Variants in RABGAP1L observed in about 807,000 individuals in gnomAD.
RABGAP1L encodes the protein RAB GTPase activating protein 1 like, also known as rab GTPase-activating protein 1-like.
In RABGAP1L, 63 loss-of-function variants were observed where a neutral mutation model predicts 137.7. That is an observed-to-expected ratio of 0.46 (90% CI 0.37 to 0.56). RABGAP1L has a LOEUF of 0.56. RABGAP1L is among the 20% of genes least tolerant of loss of function. The pLI, the probability that RABGAP1L is intolerant of heterozygous loss-of-function variation, is 0.00. For synonymous variants in RABGAP1L, 431 were observed against 433.7 expected (o/e 0.99, Z 0.08); for missense variants, 1,095 against 1,244.0 (o/e 0.88, Z 1.80).
At position 174,857,384 on chromosome 1, in the gene RABGAP1L, T is replaced by G. The variant is rs541202487; in HGVS notation, c.2340+45424T>G. 1.1e-4 allele frequency among the ~76,000 whole-genome samples: 16 copies of G among 152,336 alleles called. No homozygotes were observed. In the East Asian group the frequency reaches 1.3e-3, roughly 13 times the overall value. ...CTCTCCATTTCCTATTTTCCTAATT[T>G]TTAAAAATGAAATTTATTTTTGCTT... On this transcript the variant is annotated intron_variant, in intron 19 of 25. Coordinates refer to ENST00000681986, the MANE Select transcript of RABGAP1L (RefSeq NM_001366446.1).
At chr1:174,542,246 T>C (rs1241833374) in intron 13 of RABGAP1L, among the ~76,000 whole-genome samples, 1 of 152,252 alleles carries the variant, frequency 6.6e-6, no homozygotes, top group Non-Finnish European at 1.5e-5. Flanking sequence ...GTTGGTAAGC[T>C]ATTGATTATT....
chr1:174,374,730 A>G (rs1016488679), intron 12 of RABGAP1L, among the ~76,000 whole-genome samples: 5 of 152,190 alleles, frequency 3.3e-5, no homozygotes, highest in African/African-American at 1.2e-4. Flanking sequence ...AGCTTGCACA[A>G]GTTATTTAAC....
rs369818515 is a variant in RABGAP1L at position 174,943,563 on chromosome 1, C to T, written c.2341-13894C>T. Among the ~76,000 whole-genome samples the T allele has an allele frequency of 3.1e-3, 479 of 152,252 alleles. 3 individuals carry two copies. The highest frequency in any genetic ancestry group is 0.01 in the Middle Eastern group (3 of 294). On this transcript the variant is annotated intron_variant, in intron 19 of 25. Coordinates refer to ENST00000681986, the MANE Select transcript of RABGAP1L (RefSeq NM_001366446.1). ...TTAAGACTTTATCCCAGGCTGGGTG[C>T]GGTGGCTCATGCCTGTAATCCCAGC...
Position 174,462,515 on chromosome 1 carries a change from C to A in RABGAP1L, c.1710+68370C>A, listed in dbSNP as rs146573748. Reference sequence around the variant, plus strand: ...ACAGTCATTAAACTTTTGACTTCTGCAAATGTGATATACATTTTTTTTCAA... The same window carrying A: ...ACAGTCATTAAACTTTTGACTTCTGAAAATGTGATATACATTTTTTTTCAA... On this transcript the variant is annotated intron_variant, in intron 13 of 25. Coordinates refer to ENST00000681986, the MANE Select transcript of RABGAP1L (RefSeq NM_001366446.1). 3.0e-3 allele frequency among the ~76,000 whole-genome samples: 459 copies of A among 152,134 alleles called. No homozygotes were observed. The Middle Eastern group carries it at 0.031, about 10-fold the overall frequency.
intron 13 of RABGAP1L, among the ~76,000 whole-genome samples, chr1:174,510,379 T>C (rs1662222866): frequency 6.6e-6 from 1 of 152,190 alleles, no homozygotes. Context: ...ACTCAGTAAA[T>C]ATTTGCTGAA....
chr1:174,559,012 A>G (rs1410587587), intron 13 of RABGAP1L, among the ~76,000 whole-genome samples: 1 of 152,252 alleles, frequency 6.6e-6, no homozygotes, highest in Non-Finnish European at 1.5e-5. Flanking sequence ...GTAAGTTAAA[A>G]TGAATGATTC....
Position 174,218,987 on chromosome 1 carries a change from C to T in RABGAP1L, c.-33-138C>T. ...GGCTCAGTCCAAGAAGGTAGCCTCC[C>T]TAACTTTGAGATAATTATCTAGCCA... On this transcript the variant is annotated intron_variant, in intron 1 of 25. Transcript: ENST00000681986. 4.6e-6 allele frequency: 3 copies of T among 656,748 alleles called. No homozygotes were observed. The South Asian group carries it at 6.7e-5, about 15-fold the overall frequency. The allele number at this position is 656,748 out of a possible 1,614,324, so 40.7% of individuals were successfully genotyped here.
chr1:174,646,773 T>G (rs572121461), intron 14 of RABGAP1L, among the ~76,000 whole-genome samples: 1 of 152,286 alleles, frequency 6.6e-6, no homozygotes, highest in Admixed American at 6.5e-5. Context: ...TTGATGGGGA[T>G]AGCATTGAAT....
At chr1:174,219,818 CAAA>C (rs929218135) in intron 2 of RABGAP1L, among the ~76,000 whole-genome samples, 4 of 151,894 alleles carry the variant, frequency 2.6e-5, no homozygotes, top group African/African-American at 9.7e-5. Flanking sequence ...CTTTCTAAGT[CAAA>C]GAAAAGGAAG....
chr1:174,573,969 G>A (rs980032564), intron 13 of RABGAP1L, among the ~76,000 whole-genome samples: 3 of 152,174 alleles, frequency 2.0e-5, no homozygotes, highest in African/African-American at 7.2e-5. Context: ...GAAAGGGAAT[G>A]TTTTCAATAG....
chr1:174,608,718 G>C (rs1463610358), intron 13 of RABGAP1L, among the ~76,000 whole-genome samples: 1 of 152,154 alleles, frequency 6.6e-6, no homozygotes, highest in Non-Finnish European at 1.5e-5. Flanking sequence ...CAATATTACA[G>C]ATGGATTTGA....
intron 14 of RABGAP1L, among the ~76,000 whole-genome samples, chr1:174,648,171 G>GT (rs1279777278): frequency 1.3e-5 from 2 of 151,516 alleles, no homozygotes; most frequent in East Asian, 1.9e-4. Flanking sequence ...GATTCATTGA[G>GT]TTTTTTTTGA....
chr1:174,287,677 C>T (rs922251233), intron 10 of RABGAP1L, among the ~76,000 whole-genome samples: 4 of 151,874 alleles, frequency 2.6e-5, no homozygotes, highest in African/African-American at 7.3e-5. Context: ...TTTTTTATTA[C>T]AGACAGGGTT....
At chr1:174,842,049 G>A (rs999774232) in intron 19 of RABGAP1L, among the ~76,000 whole-genome samples, 4 of 152,192 alleles carry the variant, frequency 2.6e-5, no homozygotes, top group African/African-American at 9.6e-5. Context: ...GTTTTATATT[G>A]AGTAGTTATT....
intron 19 of RABGAP1L, among the ~76,000 whole-genome samples, chr1:174,848,065 G>T (rs371839684): frequency 0.13 from 42 of 326 alleles, 3 homozygotes; most frequent in East Asian, 0.25. Context: ...TCGAGCCTTG[G>T]TTTTCAGCTC....
chr1:174,577,011 TACATAAA>T (rs986348480), intron 13 of RABGAP1L, among the ~76,000 whole-genome samples: 62 of 151,996 alleles, frequency 4.1e-4, no homozygotes, highest in Admixed American at 9.2e-4. Flanking sequence ...AACCACATCT[TACATAAA>T]ACAAAAAACA....
intron 19 of RABGAP1L, among the ~76,000 whole-genome samples, chr1:174,855,329 GAC>G (rs1649116982): frequency 6.6e-6 from 1 of 152,164 alleles, no homozygotes; most frequent in African/African-American, 2.4e-5. Context: ...CAGTCTGAAA[GAC>G]ACTGGAGGAA....
At position 174,995,037 on chromosome 1, in the gene RABGAP1L, TGTATA is replaced by T. The variant is rs1159579828; in HGVS notation, c.*5040_*5044del. The T allele has an allele frequency of 3.3e-5, 5 of 150,500 alleles. No individual in the cohort carries two copies. The highest frequency in any genetic ancestry group is 7.2e-5 in the African/African-American group (3 of 41,418). The allele number at this position is 150,500 out of a possible 1,614,324, so 9.3% of individuals were successfully genotyped here. On this transcript the variant is annotated 3_prime_UTR_variant, in exon 26 of 26. Coordinates refer to ENST00000681986, the MANE Select transcript of RABGAP1L (RefSeq NM_001366446.1). ...GACGTTTCCGTAATTCCATGTATTATGTATAGTACACTCTATAAATGTAAATGTAA... is the reference window on the plus strand; with the variant it reads ...GACGTTTCCGTAATTCCATGTATTATGTACACTCTATAAATGTAAATGTAA...
intron 10 of RABGAP1L, among the ~76,000 whole-genome samples, chr1:174,296,594 C>CT (rs1237698910): frequency 1.3e-5 from 2 of 152,048 alleles, no homozygotes; most frequent in Non-Finnish European, 2.9e-5. Flanking sequence ...TTGGTATTTT[C>CT]TTTTTTTGTA....
Sources: allele counts gnomAD v4.1 joint callset (sites outside exome capture counted in the v4.1 genomes callset), GRCh38; gene constraint gnomAD v4.1.1; transcripts MANE v1.5; gene names NCBI Gene and HGNC (gene_info 2026-07-23, HGNC 2026-07-21).